SYNE2: variants seen among roughly 807,000 people sequenced by gnomAD.
SYNE2 encodes spectrin repeat containing nuclear envelope protein 2, also known as nesprin-2.
Under a neutral mutation model 856.3 loss-of-function variants are expected in SYNE2, and 431 were observed. That is an observed-to-expected ratio of 0.50 (90% confidence interval 0.47 to 0.55). The LOEUF is 0.55. Among genes scored for constraint, SYNE2 ranks in the 20% least tolerant of loss-of-function variants. The pLI is 0.00. For missense variants in SYNE2, 8,129 were observed against 8,023.2 expected (o/e 1.01, Z -0.50); for synonymous variants, 2,923 against 2,872.3 (o/e 1.02, Z -0.56).
intron 1 of SYNE2, among the ~76,000 whole-genome samples, chr14:63,813,033 G>A (rs1024403447): frequency 6.6e-6 from 1 of 152,182 alleles, no homozygotes; most frequent in Admixed American, 6.5e-5. Context: ...CAAGAAGAGA[G>A]GAATTCACTC....
intron 2 of SYNE2, among the ~76,000 whole-genome samples, chr14:63,911,526 T>TA (rs1002279538): frequency 2.0e-5 from 3 of 152,076 alleles, no homozygotes; most frequent in South Asian, 2.1e-4. Flanking sequence ...GAAGTAGATT[T>TA]AAAAAAAATC....
Position 64,137,792 on chromosome 14 carries a change from A to G in SYNE2, c.14652A>G (p.Ile4884Met). ...ATGACTTTACTTTTTATTAGCAAAT[A>G]AAAAGAAACATTGGTGGAAAACACG... The part of the protein sequence containing the change: ...LVERISFYQQ[I>M]KRNIGGKHAR... The change falls in exon 79 of 116, where the codon ATA (isoleucine) becomes ATG (methionine). Residue 4884 changes from isoleucine (I) to methionine (M), a missense_variant. Around this residue, in one of 3 missense-constraint regions of SYNE2, gnomAD observed 5,410 missense variants for 5,284.8 expected, o/e 1.02. Coordinates refer to ENST00000555002, the MANE Select transcript of SYNE2 (RefSeq NM_182914.3). 6.2e-7 allele frequency: 1 copy of G among 1,614,166 alleles called. No homozygotes were observed. The highest frequency in any genetic ancestry group is 8.5e-7 in the Non-Finnish European group (1 of 1,180,012).
At chr14:64,000,524 C>T in intron 27 of SYNE2, 38 bp from the exon 28 acceptor site, 1 of 1,564,562 alleles carries the variant, frequency 6.4e-7, no homozygotes, top group African/African-American at 1.4e-5. Flanking sequence ...GTCTATTAAC[C>T]CCATTAGTTG....
rs1209963149 is a variant in SYNE2 at position 64,141,839 on chromosome 14, TATATAGCAAG to T, written c.15160-101_15160-92del. 2.8e-6 allele frequency: 4 copies of T among 1,427,418 alleles called. No homozygotes were observed. In the African/African-American group the frequency reaches 5.7e-5, roughly 20 times the overall value. 88.4% of individuals were successfully genotyped at this position (1,427,418 alleles called of 1,614,324 possible). On this transcript the variant is annotated intron_variant, in intron 81 of 115. Transcript: ENST00000555002. The stretch of plus-strand genomic sequence containing the variant: ...TTTTTTTTTGAGTAACCTGCATAAT[TATATAGCAAG>T]ACCTTTTATCAAACCAGATATCATC...
intron 99 of SYNE2, among the ~76,000 whole-genome samples, chr14:64,201,043 T>G (rs911639365): frequency 6.6e-6 from 1 of 152,226 alleles, no homozygotes; most frequent in Non-Finnish European, 1.5e-5. Flanking sequence ...TGACTTTACA[T>G]GCAGCCTCTT....
chr14:63,883,003 T>C (rs201402460), intron 1 of SYNE2, among the ~76,000 whole-genome samples: 1 of 152,116 alleles, frequency 6.6e-6, no homozygotes, highest in African/African-American at 2.4e-5. Context: ...TTTTTTTTTT[T>C]TAATGAATTA....
At position 64,162,282 on chromosome 14, in the gene SYNE2, T is replaced by G; in HGVS notation, c.16299+6T>G. On this transcript the variant is annotated splice_donor_region_variant and intron_variant, in intron 88 of 115. Transcript: ENST00000555002. ...CAGCCCTGCAGGACATAAAGGTGGG[T>G]ACAAAGCCCATTTGGAAAACCAAGG... 6.2e-7 allele frequency: 1 copy of G among 1,613,954 alleles called. No homozygotes were observed. Among genetic ancestry groups the G allele is most frequent in the Non-Finnish European group, 8.5e-7 (1 of 1,179,964 alleles).
At chr14:63,891,618 C>A (rs1418954679) in intron 1 of SYNE2, among the ~76,000 whole-genome samples, 2 of 151,906 alleles carry the variant, frequency 1.3e-5, no homozygotes, top group Admixed American at 6.6e-5. Flanking sequence ...CTCAAAATAA[C>A]CTTTATGTCA....
intron 2 of SYNE2, among the ~76,000 whole-genome samples, chr14:63,910,544 C>G (rs151046301): frequency 3.3e-5 from 5 of 152,190 alleles, no homozygotes; most frequent in Non-Finnish European, 2.9e-5. Flanking sequence ...TGGAATCAAG[C>G]TTTCATTTAA....
At chr14:63,884,366 C>T (rs1047396544) in intron 1 of SYNE2, among the ~76,000 whole-genome samples, 1 of 152,096 alleles carries the variant, frequency 6.6e-6, no homozygotes, top group African/African-American at 2.4e-5. Flanking sequence ...TGATTCTATC[C>T]GTCCATCTGT....
At chr14:64,202,682 A>G (rs2139985377) in intron 99 of SYNE2, 119 bp from the exon 100 acceptor site, 1 of 1,323,228 alleles carries the variant, frequency 7.6e-7, no homozygotes, top group African/African-American at 1.5e-5. Flanking sequence ...AGCAAAATAG[A>G]TTCTTTTTTA....
At position 64,098,763 on chromosome 14, in the gene SYNE2, C is replaced by G; in HGVS notation, c.12323C>G (p.Ser4108Cys). Reference protein sequence around the residue: ...ASERKLNRRGSMSYLAAVEEE... With the variant: ...ASERKLNRRGCMSYLAAVEEE... ...GCCTTTCAGTTGAACAGAAGAGGCT[C>G]CATGTCTTACCTGGCAGCAGTCGAG... Residue 4108 changes from serine to cysteine, a missense_variant, in exon 63 of 116, where the codon TCC becomes TGC. By Grantham distance (112) the Ser-to-Cys change is moderately radical. Around this residue, in one of 3 missense-constraint regions of SYNE2, gnomAD observed 5,410 missense variants for 5,284.8 expected, o/e 1.02. Coordinates refer to ENST00000555002, the MANE Select transcript of SYNE2 (RefSeq NM_182914.3). 1 of 1,613,964 alleles carries G rather than the reference C, an allele frequency of 6.2e-7. No homozygotes were observed. Among genetic ancestry groups the G allele is most frequent in the Non-Finnish European group, 8.5e-7 (1 of 1,180,010 alleles).
chr14:64,172,451 G>A (rs1422359259), intron 94 of SYNE2, among the ~76,000 whole-genome samples: 1 of 152,190 alleles, frequency 6.6e-6, no homozygotes, highest in Non-Finnish European at 1.5e-5. Context: ...ATCATTCTCT[G>A]TTGTGTTACC....
chr14:63,907,030 A>G (rs2153346398), intron 1 of SYNE2, among the ~76,000 whole-genome samples: 1 of 152,284 alleles, frequency 6.6e-6, no homozygotes, highest in South Asian at 2.1e-4. Flanking sequence ...ATACCGTGAC[A>G]TTGGGGATTA....
chr14:64,104,376 C>T (rs1464293323), intron 64 of SYNE2, among the ~76,000 whole-genome samples: 2 of 151,938 alleles, frequency 1.3e-5, no homozygotes, highest in African/African-American at 4.8e-5. Context: ...TTTCTTGCCC[C>T]TCTTTCTCTT....
chr14:63,777,958 A>G (rs1887168879), intron 1 of SYNE2, among the ~76,000 whole-genome samples: 4 of 152,278 alleles, frequency 2.6e-5, no homozygotes, highest in African/African-American at 9.6e-5. Context: ...ATGAATCACC[A>G]TGCCTGACCG....
chr14:64,190,005 C>T (rs2139617060), intron 98 of SYNE2, 66 bp from the exon 99 acceptor site: 1 of 1,522,016 alleles, frequency 6.6e-7, no homozygotes. Context: ...AACTCTATGT[C>T]TGTGGCTGGA....
In SYNE2 at chr14:64,021,995, G is replaced by C; in HGVS notation, c.5491G>C (p.Val1831Leu). Residue 1831 changes from valine to leucine, a missense_variant, in exon 37 of 116, where the codon GTT becomes CTT. Val to Leu is a conservative substitution (Grantham distance 32). Transcript: ENST00000555002. Reference sequence around the variant, plus strand: ...TGATTTATTTAATACCAAAAAAAGTGTTTTGCAAGATCACTTTTCTAAGTT... The same window carrying C: ...TGATTTATTTAATACCAAAAAAAGTCTTTTGCAAGATCACTTTTCTAAGTT... ...VSDLFNTKKS[V>L]LQDHFSKLLN... is the part of the protein sequence containing the mutation. 6.2e-7 allele frequency: 1 copy of C among 1,613,756 alleles called. No individual in the cohort carries two copies. Among genetic ancestry groups the C allele is most frequent in the Non-Finnish European group, 8.5e-7 (1 of 1,179,862 alleles).
rs2098632820 is a variant in SYNE2, at chr14:64,210,180, A to T, written c.18723+56A>T. The stretch of plus-strand genomic sequence containing the variant: ...GATTTTCCAGGAGACATAACGCACG[A>T]TACGCAATGGCAGGCTTGTGGCACA... On this transcript the variant is annotated intron_variant, in intron 103 of 115. Coordinates refer to ENST00000555002, the MANE Select transcript of SYNE2 (RefSeq NM_182914.3). The T allele has an allele frequency of 2.5e-6, 4 of 1,584,226 alleles. No homozygotes were observed. In the African/African-American group the frequency reaches 5.4e-5, roughly 21 times the overall value.
Sources: allele counts gnomAD v4.1 joint callset (sites outside exome capture counted in the v4.1 genomes callset), GRCh38; gene constraint gnomAD v4.1.1; regional missense constraint gnomAD v4.1.1; transcripts MANE v1.5; gene names NCBI Gene and HGNC (gene_info 2026-07-23, HGNC 2026-07-21).